Variants in WASF1 observed in about 807,000 individuals in gnomAD.
WASF1 encodes actin-binding protein WASF1.
A neutral mutation model predicts 50.5 loss-of-function variants in WASF1; 7 were observed. The ratio of observed to expected loss-of-function variants is 0.14; its 90% CI spans 0.08 to 0.26. The LOEUF is 0.26. Ranked by LOEUF, WASF1 falls within the 10% of genes least tolerant of loss-of-function variation. The pLI is 1.00. For missense variants in WASF1, 470 were observed against 694.7 expected, an observed-to-expected ratio of 0.68 and a Z score of 3.64; for synonymous variants, 205 against 244.0, an observed-to-expected ratio of 0.84 and a Z score of 1.49.
At chr6:110,152,195 CAA>C (rs1271290111) in intron 3 of WASF1, among the ~76,000 whole-genome samples, 2 of 152,088 alleles carry the variant, frequency 1.3e-5, no homozygotes, top group Non-Finnish European at 2.9e-5. Flanking sequence ...CTCCAGCTGA[CAA>C]CGGAGAAAGG....
chr6:110,148,458 GGAT>G (rs1775678253), intron 3 of WASF1, among the ~76,000 whole-genome samples: 2 of 152,036 alleles, frequency 1.3e-5, no homozygotes, highest in African/African-American at 4.8e-5. Flanking sequence ...AAGAACAAAA[GGAT>G]TATTAGCTAA....
At chr6:110,105,346 C>A in intron 8 of WASF1, 61 bp downstream of exon 8, 2 of 1,487,238 alleles carry the variant, frequency 1.3e-6, no homozygotes, top group Non-Finnish European at 9.0e-7. Flanking sequence ...CTTAGAAGTA[C>A]AGATACTACA....
chr6:110,140,050 T>C (rs533112374), intron 3 of WASF1, among the ~76,000 whole-genome samples: 14 of 152,280 alleles, frequency 9.2e-5, no homozygotes, highest in Admixed American at 6.5e-4. Context: ...TTTTGTAGGA[T>C]TGGGGCTGGT....
chr6:110,139,912 A>G (rs145561787), intron 3 of WASF1, among the ~76,000 whole-genome samples: 126 of 152,376 alleles, frequency 8.3e-4, no homozygotes, highest in African/African-American at 2.9e-3. Flanking sequence ...TTGCATGAAT[A>G]TGACCTCTCG....
intron 2 of WASF1, among the ~76,000 whole-genome samples, chr6:110,176,407 AGAC>A (rs1238554902): frequency 6.6e-6 from 1 of 152,088 alleles, no homozygotes; most frequent in Non-Finnish European, 1.5e-5. Flanking sequence ...CATAAATCAA[AGAC>A]TACTAACATA....
At position 110,100,186 on chromosome 6, in the gene WASF1, G is replaced by A. The variant is rs976473425; in HGVS notation, c.*336C>T. 2 of 168,160 alleles carry A rather than the reference G, an allele frequency of 1.2e-5. No individual in the cohort carries two copies. The highest frequency in any genetic ancestry group is 1.3e-5 in the Non-Finnish European group (1 of 78,572). 10.4% of individuals were successfully genotyped at this position (168,160 alleles called of 1,614,324 possible). A position where few individuals can be genotyped will look rare whatever the true frequency, so the allele number is the denominator to read the frequency against. ...AGCTGCCCTCAAGATTTCAATTTCAGTTGCTTTCTTTAAATTAAAATTCAC... is the reference window on the plus strand; with the variant it reads ...AGCTGCCCTCAAGATTTCAATTTCAATTGCTTTCTTTAAATTAAAATTCAC... On this transcript the variant is annotated 3_prime_UTR_variant, in exon 11 of 11. Coordinates refer to ENST00000392589, the MANE Select transcript of WASF1 (RefSeq NM_003931.3).
At chr6:110,144,837 T>A (rs1562180580) in intron 3 of WASF1, among the ~76,000 whole-genome samples, 1 of 152,208 alleles carries the variant, frequency 6.6e-6, no homozygotes, top group Non-Finnish European at 1.5e-5. Context: ...TTGGTACCAG[T>A]ACCATGCTGT....
chr6:110,150,907 C>T (rs1380769748), intron 3 of WASF1, among the ~76,000 whole-genome samples: 1 of 151,994 alleles, frequency 6.6e-6, no homozygotes. Context: ...CTTGGTGGCA[C>T]GAGCCTGTAA....
In WASF1 at chr6:110,100,445, G is replaced by T; in HGVS notation, c.*77C>A. Reference sequence around the variant, plus strand: ...GGAAAAGAAAGCAAAACACTAGAATGACCAAACATTTTCAAGGAACAAGCA... The same window carrying T: ...GGAAAAGAAAGCAAAACACTAGAATTACCAAACATTTTCAAGGAACAAGCA... On this transcript the variant is annotated 3_prime_UTR_variant, in exon 11 of 11. Transcript: ENST00000392589. 1.5e-6 allele frequency: 2 copies of T among 1,379,036 alleles called. No homozygotes were observed. Among genetic ancestry groups the T allele is most frequent in the Non-Finnish European group, 1.9e-6 (2 of 1,034,500 alleles). The allele number at this position is 1,379,036 out of a possible 1,614,324, so 85.4% of individuals were successfully genotyped here. A position where few individuals can be genotyped will look rare whatever the true frequency, so the allele number is the denominator to read the frequency against.
chr6:110,117,509 T>C (rs1301879678), intron 4 of WASF1, among the ~76,000 whole-genome samples: 2 of 152,052 alleles, frequency 1.3e-5, no homozygotes, highest in East Asian at 3.9e-4. Context: ...AATATAGGAC[T>C]ATATGAAAAG....
chr6:110,167,667 C>A (rs1776535043), intron 2 of WASF1, among the ~76,000 whole-genome samples: 1 of 151,962 alleles, frequency 6.6e-6, no homozygotes, highest in Admixed American at 6.6e-5. Context: ...CTATAACTTA[C>A]ATGTTTCACT....
chr6:110,127,685 G>T, intron 3 of WASF1, 56 bp from the exon 4 acceptor site: 1 of 1,377,290 alleles, frequency 7.3e-7, no homozygotes. Context: ...CACAGAATGA[G>T]ACTTTATTTT....
At chr6:110,101,561 T>A in intron 10 of WASF1, 27 bp downstream of exon 10, 1 of 1,581,876 alleles carries the variant, frequency 6.3e-7, no homozygotes, top group East Asian at 2.2e-5. Context: ...ACTATAGCAA[T>A]GCTTTTCATG....
At chr6:110,131,005 A>G (rs1316443581) in intron 3 of WASF1, among the ~76,000 whole-genome samples, 1 of 152,158 alleles carries the variant, frequency 6.6e-6, no homozygotes, top group Non-Finnish European at 1.5e-5. Flanking sequence ...GTGCCTGTTC[A>G]ATCCTCTTGT....
At chr6:110,164,504 A>C (rs1202665948) in intron 2 of WASF1, among the ~76,000 whole-genome samples, 1 of 151,678 alleles carries the variant, frequency 6.6e-6, no homozygotes, top group Non-Finnish European at 1.5e-5. Context: ...TTGCAAATTA[A>C]AACGAGATAT....
intron 3 of WASF1, among the ~76,000 whole-genome samples, chr6:110,143,654 A>C (rs1406857318): frequency 6.6e-6 from 1 of 152,196 alleles, no homozygotes; most frequent in Non-Finnish European, 1.5e-5. Flanking sequence ...TCACAGAAAT[A>C]ATTACATTAA....
intron 4 of WASF1, among the ~76,000 whole-genome samples, chr6:110,118,667 T>C (rs1486598868): frequency 1.3e-5 from 2 of 152,158 alleles, no homozygotes; most frequent in African/African-American, 4.8e-5. Context: ...TATCCAGGAC[T>C]TGAACTCAGC....
Position 110,100,101 on chromosome 6 carries a change from C to T in WASF1, c.*421G>A, listed in dbSNP as rs756286179. Reference sequence around the variant, plus strand: ...TACTTTCTGAGTGTATTCGTATAATCAAGGCAGTGTTTCTTCTTTTAAAAC... The same window carrying T: ...TACTTTCTGAGTGTATTCGTATAATTAAGGCAGTGTTTCTTCTTTTAAAAC... On this transcript the variant is annotated 3_prime_UTR_variant, in exon 11 of 11. Transcript: ENST00000392589. 6.5e-6 allele frequency: 1 copy of T among 153,752 alleles called. No individual in the cohort carries two copies. The highest frequency in any genetic ancestry group is 6.5e-5 in the Admixed American group (1 of 15,338). 9.5% of individuals were successfully genotyped at this position (153,752 alleles called of 1,614,324 possible).
intron 5 of WASF1, among the ~76,000 whole-genome samples, chr6:110,112,532 C>T (rs770182372): frequency 6.6e-6 from 1 of 152,030 alleles, no homozygotes; most frequent in East Asian, 1.9e-4. Context: ...TTGAAATGTT[C>T]ATTTAAAGTA....
Sources: gnomAD v4.1 joint callset for allele counts (sites outside exome capture counted in the v4.1 genomes callset) on GRCh38, gnomAD v4.1.1 for gene constraint, MANE v1.5 for transcripts, NCBI Gene and HGNC (gene_info 2026-07-23, HGNC 2026-07-21) for gene names.